The following MINDY4 variants were observed in gnomAD, a reference collection of about 807,000 sequenced individuals.
MINDY4 encodes the protein MINDY lysine 48 deubiquitinase 4, also known as probable ubiquitin carboxyl-terminal hydrolase MINDY-4.
In MINDY4, 68 loss-of-function variants were observed where a neutral mutation model predicts 87.0. That is an observed-to-expected ratio of 0.78 (90% CI 0.64 to 0.96). MINDY4 has a LOEUF of 0.96. MINDY4 is among the 40% of genes least tolerant of loss of function. The probability of loss-of-function intolerance (pLI) is 0.00; values close to 1 mark genes in which losing one functional copy is unlikely to be tolerated. For synonymous variants in MINDY4, 379 were observed against 363.2 expected (o/e 1.04, Z -0.50); for missense variants, 919 against 928.2 (o/e 0.99, Z 0.13).
At chr7:30,847,470 G>A (rs1235970972) in intron 9 of MINDY4, among the ~76,000 whole-genome samples, 1 of 152,168 alleles carries the variant, frequency 6.6e-6, no homozygotes, top group Admixed American at 6.5e-5. Context: ...CTGAAACCAG[G>A]TGCCCACGGC....
chr7:30,877,320 A>G (rs1383398275), intron 15 of MINDY4, among the ~76,000 whole-genome samples: 6 of 151,964 alleles, frequency 3.9e-5, no homozygotes, highest in Non-Finnish European at 8.8e-5. Context: ...AGAGTAAACT[A>G]TTTTCCTGTG....
chr7:30,814,642 T>C (rs1351019343), intron 5 of MINDY4, among the ~76,000 whole-genome samples: 2 of 152,220 alleles, frequency 1.3e-5, no homozygotes, highest in Non-Finnish European at 2.9e-5. Context: ...GCAATTATTA[T>C]TGTAAGGGCA....
intron 9 of MINDY4, among the ~76,000 whole-genome samples, chr7:30,841,092 A>C (rs1789020323): frequency 6.6e-6 from 1 of 151,638 alleles, no homozygotes; most frequent in Non-Finnish European, 1.5e-5. Flanking sequence ...AAGGGGCTGC[A>C]GGAACGACAT....
intron 7 of MINDY4, among the ~76,000 whole-genome samples, chr7:30,838,380 C>T (rs1212476239): frequency 2.6e-5 from 4 of 152,042 alleles, no homozygotes; most frequent in East Asian, 1.9e-4. Context: ...GCAGAGTTCA[C>T]GGGGGACCAC....
chr7:30,850,902 C>T (rs113666972), intron 10 of MINDY4, among the ~76,000 whole-genome samples: 318 of 152,282 alleles, frequency 2.1e-3, no homozygotes, highest in African/African-American at 7.1e-3. Context: ...CTGGAGGCCT[C>T]AGGAAATAGC....
intron 6 of MINDY4, among the ~76,000 whole-genome samples, chr7:30,831,732 C>T (rs535113217): frequency 6.6e-6 from 1 of 152,316 alleles, no homozygotes; most frequent in African/African-American, 2.4e-5. Context: ...CAGAAAAAAG[C>T]TGTGTGGCCC....
At chr7:30,852,390 C>T in intron 11 of MINDY4, 111 bp downstream of exon 11, 1 of 1,548,686 alleles carries the variant, frequency 6.5e-7, no homozygotes, top group Non-Finnish European at 8.7e-7. Flanking sequence ...TTCCGCAGCC[C>T]AGGTCCCAGG....
At chr7:30,836,110 C>T (rs1364053164) in intron 6 of MINDY4, among the ~76,000 whole-genome samples, 1 of 152,176 alleles carries the variant, frequency 6.6e-6, no homozygotes. Context: ...TAATTACTTT[C>T]TCATAAGGCT....
At chr7:30,802,815 ACCACCCAACCAACCAAC>A (rs1787695376) in intron 5 of MINDY4, among the ~76,000 whole-genome samples, 1 of 152,098 alleles carries the variant, frequency 6.6e-6, no homozygotes, top group African/African-American at 2.4e-5. Context: ...CAGCCATCTG[ACCACCCAACCAACCAAC>A]CATCCCAACC....
chr7:30,883,949 T>C (rs780827726), intron 17 of MINDY4, among the ~76,000 whole-genome samples: 40 of 152,252 alleles, frequency 2.6e-4, no homozygotes, highest in Non-Finnish European at 5.3e-4. Flanking sequence ...CATACCTTTC[T>C]CACTGGACCT....
chr7:30,872,351 G>T, intron 14 of MINDY4, 45 bp downstream of exon 14: 2 of 1,560,218 alleles, frequency 1.3e-6, no homozygotes, highest in Non-Finnish European at 8.8e-7. Flanking sequence ...CCCCTCCTCT[G>T]TCCCTCAGAG....
intron 1 of MINDY4, among the ~76,000 whole-genome samples, chr7:30,773,882 T>TA (rs1336850688): frequency 6.6e-6 from 1 of 152,184 alleles, no homozygotes; most frequent in Non-Finnish European, 1.5e-5. Context: ...ATAACCCACC[T>TA]ACCTCTCACC....
intron 9 of MINDY4, among the ~76,000 whole-genome samples, chr7:30,848,691 G>A (rs1005203809): frequency 6.6e-6 from 1 of 152,274 alleles, no homozygotes; most frequent in African/African-American, 2.4e-5. Context: ...TGAATGCTTG[G>A]TAACTATTTC....
intron 5 of MINDY4, among the ~76,000 whole-genome samples, chr7:30,796,363 G>A (rs1787489844): frequency 6.6e-6 from 1 of 152,156 alleles, no homozygotes; most frequent in Admixed American, 6.5e-5. Context: ...GCCTGCTGTG[G>A]TGAGTCCATG....
At chr7:30,787,104 C>T (rs1042647405) in intron 4 of MINDY4, among the ~76,000 whole-genome samples, 1 of 152,200 alleles carries the variant, frequency 6.6e-6, no homozygotes, top group African/African-American at 2.4e-5. Context: ...CTGGCTCTAT[C>T]TTATGGGGTC....
chr7:30,790,658 T>A (rs1450909766), intron 4 of MINDY4, among the ~76,000 whole-genome samples: 1 of 152,190 alleles, frequency 6.6e-6, no homozygotes, highest in African/African-American at 2.4e-5. Flanking sequence ...TTGGCAAGGC[T>A]GGTCTCGAAT....
chr7:30,841,912 A>C (rs1271814044), intron 9 of MINDY4, among the ~76,000 whole-genome samples: 1 of 152,178 alleles, frequency 6.6e-6, no homozygotes. Flanking sequence ...TAAGCATTTG[A>C]GAATCTTTTT....
intron 11 of MINDY4, 136 bp downstream of exon 11, chr7:30,852,415 GA>G (rs750351168): frequency 1.7e-4 from 261 of 1,499,108 alleles, no homozygotes; most frequent in Non-Finnish European, 2.2e-4. Context: ...CTCATCCTGG[GA>G]TTAGGGTGGG....
intron 1 of MINDY4, among the ~76,000 whole-genome samples, chr7:30,771,873 C>T (rs1360974139): frequency 1.3e-5 from 2 of 152,206 alleles, no homozygotes; most frequent in African/African-American, 4.8e-5. Flanking sequence ...AATCCTAGCG[C>T]GGGCGCACAG....
Sources: gnomAD v4.1 joint callset for allele counts (sites outside exome capture counted in the v4.1 genomes callset) on GRCh38, gnomAD v4.1.1 for gene constraint, MANE v1.5 for transcripts, NCBI Gene and HGNC (gene_info 2026-07-23, HGNC 2026-07-21) for gene names.